CPEB1: variants seen among roughly 807,000 people sequenced by gnomAD.
The protein encoded by CPEB1 is cytoplasmic polyadenylation element binding protein 1, also known as cytoplasmic polyadenylation element-binding protein 1.
A neutral mutation model predicts 65.8 loss-of-function variants in CPEB1; 7 were observed. The observed-to-expected ratio is 0.11, with a 90% CI of 0.06 to 0.20. The LOEUF is 0.20. Among genes scored for constraint, CPEB1 ranks in the 10% least tolerant of loss-of-function variants. The pLI is 1.00. For missense variants in CPEB1, 551 were observed against 712.2 expected (o/e 0.77, Z 2.58); for synonymous variants, 262 against 260.0 (o/e 1.01, Z -0.08).
At chr15:82,560,504 C>G (rs945460374) in intron 4 of CPEB1, among the ~76,000 whole-genome samples, 1 of 151,758 alleles carries the variant, frequency 6.6e-6, no homozygotes. Flanking sequence ...ATCTTCCCAC[C>G]TCAGCCTCTA....
intron 3 of CPEB1, among the ~76,000 whole-genome samples, chr15:82,608,860 A>C (rs899425369): frequency 5.3e-5 from 8 of 152,252 alleles, no homozygotes; most frequent in African/African-American, 1.9e-4. Context: ...TAGAACAGAC[A>C]CAAGATATTT....
chr15:82,623,927 A>C (rs1336251129), intron 3 of CPEB1, among the ~76,000 whole-genome samples: 1 of 152,134 alleles, frequency 6.6e-6, no homozygotes, highest in Admixed American at 6.5e-5. Context: ...CCTATCATTT[A>C]CTTAACATTC....
intron 3 of CPEB1, among the ~76,000 whole-genome samples, chr15:82,589,770 C>G (rs1023151303): frequency 3.3e-5 from 5 of 151,964 alleles, no homozygotes. Flanking sequence ...CCTGTGGGTT[C>G]CACATCTTTG....
At chr15:82,611,713 G>A (rs1326884005) in intron 3 of CPEB1, among the ~76,000 whole-genome samples, 6 of 151,120 alleles carry the variant, frequency 4.0e-5, no homozygotes, top group Admixed American at 1.3e-4. Context: ...TCAAAAAAAA[G>A]AAAACCCCAA....
chr15:82,639,088 A>G (rs2046895323), intron 1 of CPEB1, among the ~76,000 whole-genome samples: 1 of 152,234 alleles, frequency 6.6e-6, no homozygotes, highest in South Asian at 2.1e-4. Context: ...ACCACTAGGC[A>G]GGCATGGACC....
chr15:82,613,103 T>C (rs949597331), intron 3 of CPEB1, among the ~76,000 whole-genome samples: 4 of 151,936 alleles, frequency 2.6e-5, no homozygotes, highest in Non-Finnish European at 5.9e-5. Flanking sequence ...CCAGGGATAT[T>C]TTAAGGAAAG....
intron 3 of CPEB1, among the ~76,000 whole-genome samples, chr15:82,572,651 C>G (rs569425599): frequency 1.3e-5 from 2 of 152,310 alleles, no homozygotes; most frequent in Non-Finnish European, 2.9e-5. Flanking sequence ...TCTGAAGTAT[C>G]GTTACGCCCT....
Position 82,555,878 on chromosome 15 carries a change from T to A in CPEB1, c.932A>T (p.Gln311Leu). Residue 311 changes from glutamine to leucine, a missense_variant, in exon 6 of 13, where the codon CAA becomes CTA. Gln to Leu is a moderately radical substitution (Grantham distance 113, BLOSUM62 -2). Around this residue, in one of 6 missense-constraint regions of CPEB1, gnomAD observed 128 missense variants for 129.1 expected, o/e 0.99. Coordinates refer to ENST00000684509, the MANE Select transcript of CPEB1 (RefSeq NM_001365242.1). ...SIEREARLHR[Q>L]AAAVNEATCT... ...GCTCAAGGCACACTCACCTGCAGCT[T>A]GTCGGTGCAGCCTGGCCTCTCTCTC... 6.2e-7 allele frequency: 1 copy of A among 1,610,924 alleles called. No individual in the cohort carries two copies. Among genetic ancestry groups the A allele is most frequent in the Non-Finnish European group, 8.5e-7 (1 of 1,178,880 alleles).
intron 2 of CPEB1, 161 bp downstream of exon 2, chr15:82,628,203 C>T (rs150842273): frequency 8.5e-6 from 6 of 702,182 alleles, no homozygotes; most frequent in Non-Finnish European, 1.6e-5. Context: ...ATAATAAATT[C>T]CTGCTTAAAA....
chr15:82,614,778 C>T (rs2044533967), intron 3 of CPEB1, among the ~76,000 whole-genome samples: 1 of 151,800 alleles, frequency 6.6e-6, no homozygotes, highest in South Asian at 2.1e-4. Flanking sequence ...TATTTAAGAC[C>T]TAGTCCTTAC....
chr15:82,625,312 A>G (rs1280910627), intron 3 of CPEB1, among the ~76,000 whole-genome samples: 1 of 152,088 alleles, frequency 6.6e-6, no homozygotes, highest in Non-Finnish European at 1.5e-5. Flanking sequence ...ACCCCCAAGT[A>G]TGCCCTTCTC....
intron 3 of CPEB1, among the ~76,000 whole-genome samples, chr15:82,616,199 G>T (rs1035653774): frequency 6.6e-6 from 1 of 152,002 alleles, no homozygotes; most frequent in African/African-American, 2.4e-5. Flanking sequence ...TCTATTTCTT[G>T]ATTTGAGCTT....
intron 3 of CPEB1, among the ~76,000 whole-genome samples, chr15:82,576,295 T>G (rs765147190): frequency 6.6e-6 from 1 of 152,122 alleles, no homozygotes; most frequent in Non-Finnish European, 1.5e-5. Flanking sequence ...TGGCAGGAAG[T>G]AGGCAGGTAG....
chr15:82,639,363 C>G (rs1175429321), intron 1 of CPEB1, among the ~76,000 whole-genome samples: 1 of 152,184 alleles, frequency 6.6e-6, no homozygotes, highest in Non-Finnish European at 1.5e-5. Context: ...TAAGGTTCCC[C>G]TGTGCCCTTT....
chr15:82,618,433 C>G (rs148198118), intron 3 of CPEB1, among the ~76,000 whole-genome samples: 14 of 152,258 alleles, frequency 9.2e-5, no homozygotes, highest in African/African-American at 3.4e-4. Flanking sequence ...ATTCTTCAAA[C>G]AAGATCAGCA....
rs375149861 is a variant in CPEB1 at position 82,618,897 on chromosome 15, C to T, written c.271+8296G>A. ...TCCAGAACTTGATTCATAGGTTCAA[C>T]GCAATCCCAATCAAAATCCCAGTAG... On this transcript the variant is annotated intron_variant, in intron 3 of 12. Transcript: ENST00000684509. 1.7e-4 allele frequency among the ~76,000 whole-genome samples: 26 copies of T among 152,286 alleles called. No individual in the cohort carries two copies. In the East Asian group the frequency reaches 4.4e-3, roughly 26 times the overall value.
intron 11 of CPEB1, 69 bp downstream of exon 11, chr15:82,547,074 G>T: frequency 1.9e-6 from 2 of 1,062,310 alleles, no homozygotes; most frequent in Non-Finnish European, 2.9e-6. Flanking sequence ...TCTCAGGCCT[G>T]CCCTGGGTAG....
At chr15:82,617,734 T>G (rs1241611866) in intron 3 of CPEB1, among the ~76,000 whole-genome samples, 1 of 128,542 alleles carries the variant, frequency 7.8e-6, no homozygotes, top group African/African-American at 2.9e-5. Context: ...GTTTTTTTTT[T>G]TTTTTTTTTT....
intron 4 of CPEB1, among the ~76,000 whole-genome samples, chr15:82,570,641 C>G (rs905519622): frequency 6.6e-6 from 1 of 151,938 alleles, no homozygotes; most frequent in African/African-American, 2.4e-5. Context: ...TTAGTTTGTC[C>G]CCACTGAACC....
Sources: allele counts gnomAD v4.1 joint callset (sites outside exome capture counted in the v4.1 genomes callset), GRCh38; gene constraint gnomAD v4.1.1; regional missense constraint gnomAD v4.1.1; transcripts MANE v1.5; gene names NCBI Gene and HGNC (gene_info 2026-07-23, HGNC 2026-07-21).